Variants in ABCB1 observed in about 807,000 individuals in gnomAD.
ABCB1 encodes the protein ATP binding cassette subfamily B member 1.
Under a neutral mutation model 142.0 loss-of-function variants are expected in ABCB1, and 69 were observed. That is an observed-to-expected ratio of 0.49 (90% confidence interval 0.40 to 0.59). The LOEUF is 0.59. ABCB1 is among the 20% of genes least tolerant of loss of function. ABCB1 has a pLI of 0.00. For synonymous variants in ABCB1, 532 were observed against 539.2 expected (o/e 0.99, Z 0.18); for missense variants, 1,326 against 1,554.7 (o/e 0.85, Z 2.47).
At chr7:87,553,997 G>A (rs1184390432) in intron 8 of ABCB1, 65 bp from the exon 9 acceptor site, 6 of 1,457,746 alleles carry the variant, frequency 4.1e-6, no homozygotes, top group Non-Finnish European at 4.8e-6. Context: ...TAGCATGATA[G>A]TTACAGAGTG....
At chr7:87,652,979 T>A (rs1478218038) in intron 1 of ABCB1, among the ~76,000 whole-genome samples, 1 of 151,950 alleles carries the variant, frequency 6.6e-6, no homozygotes, top group African/African-American at 2.4e-5. Context: ...CAGAGAGAGA[T>A]AAAATCTCCC....
intron 3 of ABCB1, among the ~76,000 whole-genome samples, chr7:87,593,126 C>A (rs961268335): frequency 1.3e-5 from 2 of 152,070 alleles, no homozygotes; most frequent in African/African-American, 4.8e-5. Flanking sequence ...AGGGTTTTGT[C>A]ATGTTGCCCA....
intron 20 of ABCB1, among the ~76,000 whole-genome samples, chr7:87,533,127 C>A (rs1169633334): frequency 1.3e-5 from 2 of 152,050 alleles, no homozygotes; most frequent in Non-Finnish European, 1.5e-5. Context: ...TGGGATAAAT[C>A]AGACTGGAAT....
intron 1 of ABCB1, chr7:87,629,103 CAG>C: frequency 1.6e-6 from 1 of 642,624 alleles, no homozygotes; most frequent in Non-Finnish European, 2.3e-6. Flanking sequence ...GCTCCTTGGA[CAG>C]GGGCCCGGGT....
intron 1 of ABCB1, among the ~76,000 whole-genome samples, chr7:87,695,043 T>A (rs1828382104): frequency 6.6e-6 from 1 of 152,134 alleles, no homozygotes; most frequent in Admixed American, 6.5e-5. Flanking sequence ...AGTGCCTAAA[T>A]GATATACTTG....
chr7:87,595,207 G>A (rs1584910573), intron 3 of ABCB1, among the ~76,000 whole-genome samples: 1 of 152,004 alleles, frequency 6.6e-6, no homozygotes, highest in South Asian at 2.1e-4. Flanking sequence ...GTTACAATAA[G>A]GTTTTCGAAT....
intron 23 of ABCB1, 66 bp from the exon 24 acceptor site, chr7:87,516,731 CTT>C (rs546527484): frequency 0.13 from 100,903 of 749,498 alleles, 502 homozygotes; most frequent in African/African-American, 0.17. Flanking sequence ...GCTGACACTC[CTT>C]TTTTTTTTTT....
At chr7:87,695,374 T>C (rs1828409964) in intron 1 of ABCB1, among the ~76,000 whole-genome samples, 1 of 152,094 alleles carries the variant, frequency 6.6e-6, no homozygotes. Context: ...TAAACTGGCT[T>C]TTATAAATTA....
intron 1 of ABCB1, among the ~76,000 whole-genome samples, chr7:87,675,090 C>T (rs958471870): frequency 3.9e-5 from 6 of 152,216 alleles, no homozygotes; most frequent in South Asian, 2.1e-4. Flanking sequence ...GTGGTGAGAG[C>T]GGGCCGCTCC....
intron 1 of ABCB1, among the ~76,000 whole-genome samples, chr7:87,680,949 T>A (rs1826870095): frequency 6.6e-6 from 1 of 150,624 alleles, no homozygotes; most frequent in Non-Finnish European, 1.5e-5. Context: ...GGATGATTGC[T>A]TGAAATCATT....
rs1236819097 is a variant in ABCB1, at chr7:87,583,084, A to G, written c.286+2428T>C. On this transcript the variant is annotated intron_variant, in intron 4 of 27. Coordinates refer to ENST00000622132, the MANE Select transcript of ABCB1 (RefSeq NM_001348946.2). ...CAGAATTTTGTAAAGAAGAAATTATATAAGGAACCATATCATCATTGAAAG... is the reference window on the plus strand; with the variant it reads ...CAGAATTTTGTAAAGAAGAAATTATGTAAGGAACCATATCATCATTGAAAG... Among the ~76,000 whole-genome samples the G allele has an allele frequency of 2.6e-5, 4 of 152,364 alleles. No individual in the cohort carries two copies. In the East Asian group the frequency reaches 7.7e-4, roughly 29 times the overall value.
At chr7:87,592,075 G>T (rs995066703) in intron 3 of ABCB1, among the ~76,000 whole-genome samples, 2 of 152,184 alleles carry the variant, frequency 1.3e-5, no homozygotes, top group African/African-American at 4.8e-5. Flanking sequence ...ACTTCAATAG[G>T]TTGAGAACTA....
chr7:87,637,559 ATTTC>A (rs1264122243), intron 1 of ABCB1, among the ~76,000 whole-genome samples: 4 of 152,038 alleles, frequency 2.6e-5, no homozygotes, highest in African/African-American at 9.7e-5. Flanking sequence ...AACATAACCT[ATTTC>A]TTTATATGTT....
chr7:87,547,608 G>A (rs773493243), intron 14 of ABCB1, among the ~76,000 whole-genome samples: 2 of 151,874 alleles, frequency 1.3e-5, no homozygotes, highest in African/African-American at 4.8e-5. Context: ...GGTAGCTCAC[G>A]CGTGTAATCC....
intron 1 of ABCB1, among the ~76,000 whole-genome samples, chr7:87,634,249 T>C (rs1281824358): frequency 6.6e-6 from 1 of 151,940 alleles, no homozygotes; most frequent in Non-Finnish European, 1.5e-5. Context: ...CACCATCACA[T>C]TGGAGATCAA....
At chr7:87,584,171 G>T (rs890347668) in intron 4 of ABCB1, among the ~76,000 whole-genome samples, 2 of 152,122 alleles carry the variant, frequency 1.3e-5, no homozygotes, top group Admixed American at 1.3e-4. Flanking sequence ...CCACAGAATT[G>T]AAGTAGTTCT....
chr7:87,704,824 G>A (rs1563148371), intron 1 of ABCB1, among the ~76,000 whole-genome samples: 2 of 152,198 alleles, frequency 1.3e-5, no homozygotes, highest in Admixed American at 1.3e-4. Flanking sequence ...GAAAAGAGCA[G>A]TTTACTTAAT....
chr7:87,596,663 G>A (rs1173709206), intron 2 of ABCB1, among the ~76,000 whole-genome samples: 6 of 151,982 alleles, frequency 3.9e-5, no homozygotes, highest in African/African-American at 4.8e-5. Flanking sequence ...TTTTTTACAC[G>A]GTTTTTAAGT....
chr7:87,573,365 A>G (rs996466952), intron 4 of ABCB1, among the ~76,000 whole-genome samples: 2 of 151,948 alleles, frequency 1.3e-5, no homozygotes, highest in Non-Finnish European at 2.9e-5. Context: ...TTTCCTACAC[A>G]CTGATGTTTC....
Sources: gnomAD v4.1 joint callset for allele counts (sites outside exome capture counted in the v4.1 genomes callset) on GRCh38, gnomAD v4.1.1 for gene constraint, MANE v1.5 for transcripts, NCBI Gene and HGNC (gene_info 2026-07-23, HGNC 2026-07-21) for gene names.